The following VPS13D variants were observed in gnomAD, a reference collection of about 807,000 sequenced individuals.
The protein encoded by VPS13D is vacuolar protein sorting 13 homolog D, also known as intermembrane lipid transfer protein VPS13D.
VPS13D carries 187 observed loss-of-function variants against 461.9 expected under a neutral mutation model. The observed-to-expected ratio is 0.40, with a 90% confidence interval of 0.36 to 0.46. The LOEUF is 0.46. VPS13D is among the 20% of genes least tolerant of loss of function. The pLI is 0.60. For synonymous variants in VPS13D, 1,951 were observed against 1,986.3 expected, an observed-to-expected ratio of 0.98 and a Z score of 0.47; for missense variants, 4,711 against 5,364.9, an observed-to-expected ratio of 0.88 and a Z score of 3.81.
chr1:12,308,190 G>T (rs951757776), intron 26 of VPS13D, among the ~76,000 whole-genome samples: 1 of 152,140 alleles, frequency 6.6e-6, no homozygotes, highest in African/African-American at 2.4e-5. Context: ...CGCGGTCTGT[G>T]CTTGGAGTGG....
chr1:12,470,585 A>G (rs112213673), intron 67 of VPS13D, among the ~76,000 whole-genome samples: 14 of 152,150 alleles, frequency 9.2e-5, no homozygotes, highest in African/African-American at 3.4e-4. Flanking sequence ...TGAGTCTTGA[A>G]CTCCTACTAT....
chr1:12,486,726 C>T (rs954971144), intron 67 of VPS13D, among the ~76,000 whole-genome samples: 3 of 152,168 alleles, frequency 2.0e-5, no homozygotes, highest in African/African-American at 7.2e-5. Flanking sequence ...TTCTCTGGCT[C>T]AGATTCAGAG....
intron 65 of VPS13D, among the ~76,000 whole-genome samples, chr1:12,445,771 G>A (rs1207711712): frequency 1.3e-5 from 2 of 152,306 alleles, no homozygotes; most frequent in African/African-American, 2.4e-5. Flanking sequence ...GATCAAGCCA[G>A]TTTTCTAAAG....
In VPS13D at chr1:12,257,080, T is replaced by C. The variant is rs201794511; in HGVS notation, c.934T>C (p.Ser312Pro). ...FRRWKPKVAI[S>P]KNCREWWYFA... ...AAGGTGGAAACCCAAGGTGGCGATA[T>C]CTAAGAAGTAAGGGCTTCTCAGTGT... is the stretch of plus-strand genomic sequence containing the variant. The change falls in exon 9 of 70, where the codon TCT becomes CCT. Residue 312 changes from serine to proline, a missense_variant. By Grantham distance (74) the Ser-to-Pro change is moderately conservative. This residue lies in a region of VPS13D where 4,411 missense variants were observed against 4,937.8 expected (regional missense o/e 0.89). Transcript: ENST00000620676. 1 of 1,614,064 alleles carries C rather than the reference T, an allele frequency of 6.2e-7. No individual in the cohort carries two copies. The highest frequency in any genetic ancestry group is 8.5e-7 in the Non-Finnish European group (1 of 1,179,952).
At chr1:12,356,182 T>C in intron 48 of VPS13D, 92 bp downstream of exon 48, 3 of 1,470,240 alleles carry the variant, frequency 2.0e-6, no homozygotes, top group Non-Finnish European at 2.7e-6. Context: ...CCAATGCAAA[T>C]AGATTACTTC....
At chr1:12,268,934 T>C in intron 16 of VPS13D, 58 bp downstream of exon 16, 1 of 1,560,494 alleles carries the variant, frequency 6.4e-7, no homozygotes, top group Non-Finnish European at 8.7e-7. Flanking sequence ...TTTATTGTTA[T>C]TTCTGGTGTT....
intron 63 of VPS13D, among the ~76,000 whole-genome samples, chr1:12,413,825 G>A (rs1411004424): frequency 2.6e-5 from 4 of 151,614 alleles, no homozygotes; most frequent in African/African-American, 9.7e-5. Context: ...TGATGAGGGT[G>A]TAGAATAGCA....
chr1:12,256,271 A>G (rs2101263065), intron 7 of VPS13D, 62 bp from the exon 8 acceptor site: 2 of 1,561,272 alleles, frequency 1.3e-6, no homozygotes, highest in Non-Finnish European at 1.7e-6. Context: ...CCAACATTGT[A>G]AAAGAGTGAC....
At chr1:12,479,011 G>C (rs1645674986) in intron 67 of VPS13D, 1 of 405,438 alleles carries the variant, frequency 2.5e-6, no homozygotes, top group Non-Finnish European at 5.0e-6. Flanking sequence ...AACAGAGCAG[G>C]TGGAAGGCCG....
At chr1:12,392,875 G>A (rs1422703080) in intron 60 of VPS13D, among the ~76,000 whole-genome samples, 1 of 152,198 alleles carries the variant, frequency 6.6e-6, no homozygotes, top group African/African-American at 2.4e-5. Context: ...TGGACCTGTT[G>A]CAGAGTCTTC....
rs904010899 is a variant in VPS13D at position 12,299,183 on chromosome 1, G to A, written c.6034-19G>A. On this transcript the variant is annotated intron_variant, in intron 24 of 69. Coordinates refer to ENST00000620676, the MANE Select transcript of VPS13D (RefSeq NM_015378.4). The surrounding 1 kb of genome is among the most constrained non-coding windows in gnomAD (Gnocchi z 4.2). Reference sequence around the variant, plus strand: ...AGGGAATTAATTATCCTCTGAGTCAGTTTTCCTTCCTCTTTCAGGTGAGAG... The same window carrying A: ...AGGGAATTAATTATCCTCTGAGTCAATTTTCCTTCCTCTTTCAGGTGAGAG... 9.0e-6 allele frequency: 14 copies of A among 1,550,928 alleles called. No individual in the cohort carries two copies. Among genetic ancestry groups the A allele is most frequent in the Non-Finnish European group, 1.2e-5 (14 of 1,153,234 alleles).
intron 5 of VPS13D, among the ~76,000 whole-genome samples, chr1:12,245,657 G>A (rs557065627): frequency 6.6e-6 from 1 of 152,158 alleles, no homozygotes; most frequent in South Asian, 2.1e-4. Context: ...CGAGGAGTTG[G>A]GCTGCAAGGC....
chr1:12,320,195 A>G (rs555732333), intron 32 of VPS13D, among the ~76,000 whole-genome samples: 1 of 152,324 alleles, frequency 6.6e-6, no homozygotes, highest in Admixed American at 6.5e-5. Context: ...ATGTCATCTC[A>G]TGAAGAAGAT....
intron 42 of VPS13D, among the ~76,000 whole-genome samples, chr1:12,343,921 A>G (rs1231126408): frequency 6.6e-6 from 1 of 152,238 alleles, no homozygotes; most frequent in East Asian, 1.9e-4. Flanking sequence ...TATGCCACGT[A>G]GTACTTTTAA....
intron 27 of VPS13D, among the ~76,000 whole-genome samples, chr1:12,309,660 G>A (rs1405255645): frequency 6.6e-6 from 1 of 151,308 alleles, no homozygotes; most frequent in African/African-American, 2.4e-5. Flanking sequence ...TACCGGGAAG[G>A]CTGAGGCAGG....
chr1:12,404,181 A>C (rs969886398), intron 63 of VPS13D, among the ~76,000 whole-genome samples: 23 of 151,900 alleles, frequency 1.5e-4, no homozygotes, highest in African/African-American at 5.3e-4. Flanking sequence ...AAAAAAAAAA[A>C]ACGAAACTTA....
intron 52 of VPS13D, among the ~76,000 whole-genome samples, chr1:12,366,442 G>A (rs939362663): frequency 2.6e-5 from 4 of 152,156 alleles, no homozygotes; most frequent in Non-Finnish European, 4.4e-5. Context: ...ACTTTTGTCT[G>A]TTAGCATAAT....
chr1:12,278,044 G>A lies in VPS13D; in HGVS notation c.4450+6G>A. 6.2e-7 allele frequency: 1 copy of A among 1,602,606 alleles called. No individual in the cohort carries two copies. Among genetic ancestry groups the A allele is most frequent in the Non-Finnish European group, 8.5e-7 (1 of 1,174,572 alleles). ...ATCTTTGCATAGAGGTCAAGGTGAG[G>A]AGCATCAGTCTTTTGTTCTATTTTG... On this transcript the variant is annotated splice_donor_region_variant and intron_variant, in intron 19 of 69. Transcript: ENST00000620676.
chr1:12,421,746 A>G (rs1021392341), intron 65 of VPS13D, among the ~76,000 whole-genome samples: 1 of 152,222 alleles, frequency 6.6e-6, no homozygotes, highest in Non-Finnish European at 1.5e-5. Flanking sequence ...AGCCAACAGC[A>G]TACTTAATTT....
Sources: allele counts gnomAD v4.1 joint callset (sites outside exome capture counted in the v4.1 genomes callset), GRCh38; gene constraint gnomAD v4.1.1; regional missense constraint gnomAD v4.1.1; non-coding constraint Gnocchi (gnomAD v3.1); transcripts MANE v1.5; gene names NCBI Gene and HGNC (gene_info 2026-07-23, HGNC 2026-07-21).